CCDC50: variants seen among roughly 807,000 people sequenced by gnomAD.
The protein encoded by CCDC50 is coiled-coil domain containing 50, also known as coiled-coil domain-containing protein 50.
Under a neutral mutation model 70.2 loss-of-function variants are expected in CCDC50, and 54 were observed. The ratio of observed to expected loss-of-function variants is 0.77; its 90% CI spans 0.62 to 0.96. CCDC50 has a LOEUF of 0.96. CCDC50 is among the 50% of genes least tolerant of loss of function. The pLI, the probability that CCDC50 is intolerant of heterozygous loss-of-function variation, is 0.00. For missense variants in CCDC50, 558 were observed against 578.7 expected (o/e 0.96, Z 0.37); for synonymous variants, 216 against 198.8 (o/e 1.09, Z -0.73).
chr3:191,329,945 G>GTT (rs1576942664), intron 1 of CCDC50, among the ~76,000 whole-genome samples: 1 of 61,916 alleles, frequency 1.6e-5, no homozygotes, highest in Non-Finnish European at 2.8e-5. Context: ...GGGTGGTTGG[G>GTT]GGGGGGGGGG....
intron 4 of CCDC50, among the ~76,000 whole-genome samples, chr3:191,363,337 A>T (rs1712562691): frequency 6.6e-6 from 1 of 152,194 alleles, no homozygotes; most frequent in Non-Finnish European, 1.5e-5. Context: ...ACTTAGACAT[A>T]CTGTGGTATA....
At chr3:191,383,007 T>C (rs1713372553) in intron 10 of CCDC50, among the ~76,000 whole-genome samples, 182 bp downstream of exon 10, 1 of 152,174 alleles carries the variant, frequency 6.6e-6, no homozygotes, top group East Asian at 1.9e-4. Context: ...AATTGAGTTG[T>C]GTACATCAAA....
At chr3:191,382,302 G>A (rs913670405) in intron 9 of CCDC50, among the ~76,000 whole-genome samples, 1 of 152,144 alleles carries the variant, frequency 6.6e-6, no homozygotes, top group African/African-American at 2.4e-5. Context: ...TTACTGGCTG[G>A]AAATCAGCCT....
At chr3:191,389,974 T>C (rs1713627908) in intron 11 of CCDC50, among the ~76,000 whole-genome samples, 1 of 146,146 alleles carries the variant, frequency 6.8e-6, no homozygotes, top group Admixed American at 7.0e-5. Context: ...GATCCTTCCA[T>C]CTCAGCCTCC....
chr3:191,368,268 T>C (rs1315169638), intron 4 of CCDC50, among the ~76,000 whole-genome samples: 2 of 151,878 alleles, frequency 1.3e-5, no homozygotes, highest in African/African-American at 2.4e-5. Context: ...ATGAAAAGTA[T>C]ACTTATGTTA....
intron 10 of CCDC50, among the ~76,000 whole-genome samples, chr3:191,386,494 C>T (rs900293205): frequency 2.0e-5 from 3 of 152,002 alleles, no homozygotes; most frequent in African/African-American, 4.8e-5. Context: ...CAAAGTGCTG[C>T]GATTACAGGC....
intron 11 of CCDC50, 21 bp downstream of exon 11, chr3:191,389,623 C>T (rs1281336590): frequency 6.5e-7 from 1 of 1,548,782 alleles, no homozygotes; most frequent in Non-Finnish European, 8.9e-7. Flanking sequence ...TATGTATGGT[C>T]AAGTTTAGGA....
rs1403322504 is a variant in CCDC50, at chr3:191,329,718, A to C, written c.44A>C (p.Lys15Thr). Residue 15 changes from lysine to threonine, a missense_variant, in exon 1 of 12, where the codon AAG (lysine) becomes ACG (threonine). Physicochemically the swap from Lys to Thr is moderately conservative, Grantham distance 78. Transcript: ENST00000392455. ...SIDQSKLPGV[K>T]EVCRDFAVLE... The stretch of plus-strand genomic sequence containing the variant: ...GACCAGTCCAAGCTGCCTGGAGTCA[A>C]GGAAGGTAAGGGCCCCGGAGGGAGA... 2 of 1,609,710 alleles carry C rather than the reference A, an allele frequency of 1.2e-6. No individual in the cohort carries two copies. Among genetic ancestry groups the C allele is most frequent in the Admixed American group, 3.4e-5 (2 of 59,594 alleles).
At chr3:191,355,266 G>A (rs1712239028) in intron 1 of CCDC50, among the ~76,000 whole-genome samples, 1 of 151,980 alleles carries the variant, frequency 6.6e-6, no homozygotes, top group Non-Finnish European at 1.5e-5. Context: ...TAAATGATAG[G>A]TCAATACATT....
chr3:191,371,932 TA>T (rs912445876), intron 5 of CCDC50, among the ~76,000 whole-genome samples: 2 of 152,212 alleles, frequency 1.3e-5, no homozygotes, highest in Non-Finnish European at 2.9e-5. Flanking sequence ...TTCCCTTTTT[TA>T]AAAAGTCTGC....
chr3:191,390,835 G>A (rs1349961636), intron 11 of CCDC50, among the ~76,000 whole-genome samples: 1 of 152,162 alleles, frequency 6.6e-6, no homozygotes, highest in Non-Finnish European at 1.5e-5. Context: ...ATGGAGTCCA[G>A]TAGGTCTCAG....
intron 11 of CCDC50, 138 bp downstream of exon 11, chr3:191,389,740 T>C (rs1408468132): frequency 2.6e-5 from 18 of 687,542 alleles, no homozygotes; most frequent in Non-Finnish European, 3.6e-5. Context: ...ATAGAACTCC[T>C]CATTTATTAA....
intron 10 of CCDC50, among the ~76,000 whole-genome samples, chr3:191,384,604 TTGTC>T: frequency 6.6e-6 from 1 of 152,220 alleles, no homozygotes; most frequent in Non-Finnish European, 1.5e-5. Flanking sequence ...TCCAATTTCT[TTGTC>T]TGTTACAGAA....
intron 4 of CCDC50, among the ~76,000 whole-genome samples, chr3:191,364,383 C>A (rs1403442412): frequency 1.4e-5 from 2 of 147,872 alleles, no homozygotes; most frequent in Admixed American, 6.7e-5. Flanking sequence ...TTTTTTTTTT[C>A]CCCTTCCCTC....
At chr3:191,365,310 G>A (rs1712644414) in intron 4 of CCDC50, among the ~76,000 whole-genome samples, 1 of 151,566 alleles carries the variant, frequency 6.6e-6, no homozygotes, top group South Asian at 2.1e-4. Flanking sequence ...TATGAGCCAT[G>A]GTACTTACAC....
chr3:191,347,764 G>A lies in CCDC50; in HGVS notation c.50-9324G>A, dbSNP rs1711974843. The stretch of plus-strand genomic sequence containing the variant: ...GGTGAAGGAATTTACTGTTGTTTGA[G>A]GTAGTATTGATAGACATGTAGCTCC... On this transcript the variant is annotated intron_variant, in intron 1 of 11. Transcript: ENST00000392455. Among the ~76,000 whole-genome samples the A allele has an allele frequency of 4.2e-5, 6 of 142,118 alleles. 1 individual carries two copies. The allele number at this position is 142,118 out of a possible 152,430, so 93.2% of individuals were successfully genotyped here.
At chr3:191,386,540 T>C (rs1332531111) in intron 10 of CCDC50, among the ~76,000 whole-genome samples, 2 of 152,192 alleles carry the variant, frequency 1.3e-5, no homozygotes, top group African/African-American at 4.8e-5. Flanking sequence ...AGTTTAATAA[T>C]ATAGATTCTT....
Position 191,349,960 on chromosome 3 carries a change from A to C in CCDC50, c.50-7128A>C, listed in dbSNP as rs189577570. Among the ~76,000 whole-genome samples the C allele has an allele frequency of 9.9e-5, 8 of 80,580 alleles. 2 individuals are homozygous for C. The highest frequency in any genetic ancestry group is 3.6e-4 in the African/African-American group (6 of 16,688). The allele number at this position is 80,580 out of a possible 152,430, so 52.9% of individuals were successfully genotyped here. On this transcript the variant is annotated intron_variant, in intron 1 of 11. Transcript: ENST00000392455. ...ATTTATCTTATTTTAACTAGTATTT[A>C]ATAATACCCCCCCCCTCCCTTTTTT...
intron 11 of CCDC50, among the ~76,000 whole-genome samples, chr3:191,390,010 G>T (rs1713629488): frequency 6.7e-6 from 1 of 149,924 alleles, no homozygotes; most frequent in Admixed American, 6.7e-5. Context: ...ACAGACATGT[G>T]CCACCACACT....
Sources: allele counts gnomAD v4.1 joint callset (sites outside exome capture counted in the v4.1 genomes callset), GRCh38; gene constraint gnomAD v4.1.1; transcripts MANE v1.5; gene names NCBI Gene and HGNC (gene_info 2026-07-23, HGNC 2026-07-21).